The following TOX variants were observed in gnomAD, a reference collection of about 807,000 sequenced individuals.
TOX encodes the protein thymocyte selection-associated high mobility group box protein TOX.
Under a neutral mutation model 53.7 loss-of-function variants are expected in TOX, and 11 were observed. That is an observed-to-expected ratio of 0.20 (90% CI 0.13 to 0.34). The LOEUF is 0.34. Ranked by LOEUF, TOX falls within the 10% of genes least tolerant of loss-of-function variation. The pLI is 1.00. For missense variants in TOX, 570 were observed against 664.6 expected (o/e 0.86, Z 1.56); for synonymous variants, 225 against 245.3 (o/e 0.92, Z 0.77).
At chr8:59,099,287 G>T (rs1007109449) in intron 1 of TOX, among the ~76,000 whole-genome samples, 4 of 152,226 alleles carry the variant, frequency 2.6e-5, no homozygotes, top group Non-Finnish European at 5.9e-5. Flanking sequence ...CACATCATTT[G>T]GTTAGTTCTG....
intron 2 of TOX, 112 bp downstream of exon 2, chr8:58,959,831 A>G: frequency 2.6e-6 from 3 of 1,139,830 alleles, no homozygotes; most frequent in South Asian, 2.6e-5. Context: ...TTTATAAATT[A>G]TGATTATTCC....
At chr8:59,025,812 C>A (rs1390034010) in intron 1 of TOX, among the ~76,000 whole-genome samples, 4 of 152,278 alleles carry the variant, frequency 2.6e-5, no homozygotes, top group African/African-American at 7.2e-5. Flanking sequence ...CATACTGAAG[C>A]AGCATCCAGT....
At chr8:58,959,823 T>C in intron 2 of TOX, 120 bp downstream of exon 2, 1 of 1,115,894 alleles carries the variant, frequency 9.0e-7, no homozygotes, top group Non-Finnish European at 1.3e-6. Context: ...ATGCTTTGTT[T>C]ATAAATTATG....
At chr8:59,102,184 G>A (rs571480204) in intron 1 of TOX, among the ~76,000 whole-genome samples, 18 of 152,228 alleles carry the variant, frequency 1.2e-4, no homozygotes, top group African/African-American at 3.9e-4. Context: ...TGTGGATGGC[G>A]GCAGGTAACA....
At chr8:59,039,339 G>C (rs1488273981) in intron 1 of TOX, among the ~76,000 whole-genome samples, 1 of 152,164 alleles carries the variant, frequency 6.6e-6, no homozygotes, top group African/African-American at 2.4e-5. Flanking sequence ...ATCTTCTAAT[G>C]AATCTAAAAA....
chr8:58,857,071 A>G (rs578233909), intron 3 of TOX, among the ~76,000 whole-genome samples: 2 of 152,196 alleles, frequency 1.3e-5, no homozygotes, highest in Non-Finnish European at 2.9e-5. Context: ...TAGCCCTAGT[A>G]TCTAGAACAG....
At chr8:58,892,632 T>C (rs748701922) in intron 3 of TOX, among the ~76,000 whole-genome samples, 1 of 152,146 alleles carries the variant, frequency 6.6e-6, no homozygotes, top group Non-Finnish European at 1.5e-5. Context: ...CTGAGAGATA[T>C]GTAAAATCAC....
intron 5 of TOX, among the ~76,000 whole-genome samples, chr8:58,833,887 T>C (rs1810505848): frequency 6.6e-6 from 1 of 152,238 alleles, no homozygotes; most frequent in African/African-American, 2.4e-5. Flanking sequence ...AGGGAGGTTT[T>C]GTGTTCCTTG....
chr8:58,947,255 TA>T (rs1211217862), intron 2 of TOX, among the ~76,000 whole-genome samples: 1 of 152,150 alleles, frequency 6.6e-6, no homozygotes, highest in Non-Finnish European at 1.5e-5. Context: ...ATAGGCTACA[TA>T]AAATTTCTAG....
intron 1 of TOX, among the ~76,000 whole-genome samples, chr8:59,001,969 CTTT>C (rs1182278313): frequency 0.089 from 10,207 of 114,338 alleles, 379 homozygotes; most frequent in Admixed American, 0.17. Flanking sequence ...TACAGAAGTA[CTTT>C]TTTTTTTTTT....
intron 1 of TOX, among the ~76,000 whole-genome samples, chr8:59,093,186 T>G (rs1804656311): frequency 6.6e-6 from 1 of 152,224 alleles, no homozygotes; most frequent in Non-Finnish European, 1.5e-5. Flanking sequence ...TAGTAGGCTC[T>G]GAGGTGAGAT....
chr8:58,892,670 C>A (rs772626073), intron 3 of TOX, among the ~76,000 whole-genome samples: 37 of 152,188 alleles, frequency 2.4e-4, no homozygotes, highest in Non-Finnish European at 5.1e-4. Context: ...GAGTCACATG[C>A]AGCCTGTGCA....
chr8:58,892,289 A>T (rs545414511), intron 3 of TOX, among the ~76,000 whole-genome samples: 1 of 152,340 alleles, frequency 6.6e-6, no homozygotes, highest in East Asian at 1.9e-4. Flanking sequence ...AAGGAGGCAG[A>T]TGTGAGGAGA....
At chr8:58,815,770 T>A (rs1391651029) in intron 6 of TOX, 46 bp from the exon 7 acceptor site, 1 of 1,549,828 alleles carries the variant, frequency 6.5e-7, no homozygotes, top group South Asian at 1.3e-5. Flanking sequence ...GATACATGAG[T>A]GTTGATTCAA....
chr8:58,992,194 T>TA (rs1193047179), intron 1 of TOX: 41 of 152,152 alleles, frequency 2.7e-4, no homozygotes, highest in Admixed American at 2.5e-3. Context: ...AGAAAGAACT[T>TA]AAAACACAGA....
In TOX at chr8:59,091,358, C is replaced by T. The variant is rs181312799; in HGVS notation, c.102+27528G>A. Among the ~76,000 whole-genome samples, 8 of 152,230 alleles carry T rather than the reference C, an allele frequency of 5.3e-5. No individual in the cohort carries two copies. In the East Asian group the frequency reaches 9.7e-4, roughly 18 times the overall value. ...ACTCTCTCTGAGACACTCCCTGGAA[C>T]GCTCTATTCTCCTGGCTTCCATGAC... On this transcript the variant is annotated intron_variant, in intron 1 of 8. Transcript: ENST00000361421.
At chr8:59,071,338 G>C (rs2129422620) in intron 1 of TOX, among the ~76,000 whole-genome samples, 1 of 152,284 alleles carries the variant, frequency 6.6e-6, no homozygotes, top group East Asian at 1.9e-4. Context: ...ACGTCTTTGA[G>C]AGTGAATGAG....
chr8:58,874,468 T>C (rs1811252801), intron 3 of TOX, among the ~76,000 whole-genome samples: 1 of 152,110 alleles, frequency 6.6e-6, no homozygotes, highest in Non-Finnish European at 1.5e-5. Flanking sequence ...TTCGCCTACT[T>C]GAAGCATTTC....
At chr8:58,860,681 T>A (rs1810996550) in intron 3 of TOX, among the ~76,000 whole-genome samples, 1 of 152,178 alleles carries the variant, frequency 6.6e-6, no homozygotes, top group African/African-American at 2.4e-5. Flanking sequence ...TATGGGGACC[T>A]TCCCTGGGAT....
Sources: gnomAD v4.1 joint callset for allele counts (sites outside exome capture counted in the v4.1 genomes callset) on GRCh38, gnomAD v4.1.1 for gene constraint, MANE v1.5 for transcripts, NCBI Gene and HGNC (gene_info 2026-07-23, HGNC 2026-07-21) for gene names.